Variants in CCDC191 observed in about 807,000 individuals in gnomAD.
CCDC191 encodes the protein coiled-coil domain containing 191, also known as coiled-coil domain-containing protein 191.
Under a neutral mutation model 114.0 loss-of-function variants are expected in CCDC191, and 99 were observed. The ratio of observed to expected loss-of-function variants is 0.87; its 90% CI spans 0.74 to 1.03. The LOEUF is 1.03. CCDC191 is among the 50% of genes least tolerant of loss of function. The pLI is 0.00. For synonymous variants in CCDC191, 351 were observed against 376.0 expected (o/e 0.93, Z 0.77); for missense variants, 973 against 1,087.0 (o/e 0.90, Z 1.47).
chr3:114,031,686 C>T lies in CCDC191; in HGVS notation c.912G>A (p.Val304=). The T allele has an allele frequency of 6.2e-7, 1 of 1,603,354 alleles. No individual in the cohort carries two copies. The highest frequency in any genetic ancestry group is 8.5e-7 in the Non-Finnish European group (1 of 1,170,514). The change falls in exon 7 of 17, where the codon GTG becomes GTA. Residue 304 remains valine, a synonymous_variant. Coordinates refer to ENST00000295878, the MANE Select transcript of CCDC191 (RefSeq NM_020817.2). ...CTTTCAATTTCCTTTTTCTTTCCTT[C>T]ACCATTTTTTCCTCATCTGGAAGAA... ...THILPDEEKM[V]KERKRKLKEV...
intron 8 of CCDC191, among the ~76,000 whole-genome samples, chr3:114,012,538 TAAC>T (rs537789525): frequency 9.9e-5 from 15 of 152,254 alleles, no homozygotes; most frequent in African/African-American, 3.6e-4. Flanking sequence ...TTAGAAGAAA[TAAC>T]AATAAATCAG....
At chr3:113,991,267 C>CG (rs1020789775) in intron 13 of CCDC191, among the ~76,000 whole-genome samples, 2 of 142,368 alleles carry the variant, frequency 1.4e-5, no homozygotes, top group African/African-American at 5.1e-5. Flanking sequence ...AACCCCCCCC[C>CG]CCAAAAACCA....
intron 16 of CCDC191, among the ~76,000 whole-genome samples, chr3:113,969,107 A>G (rs932740390): frequency 1.3e-5 from 2 of 152,218 alleles, no homozygotes; most frequent in Non-Finnish European, 2.9e-5. Context: ...CGTAACTAAT[A>G]GAGTGAGAAT....
intron 2 of CCDC191, among the ~76,000 whole-genome samples, chr3:114,050,725 G>A (rs1293015196): frequency 6.6e-6 from 1 of 152,188 alleles, no homozygotes; most frequent in Non-Finnish European, 1.5e-5. Context: ...GATATTATAG[G>A]TTGACTGCTA....
intron 7 of CCDC191, among the ~76,000 whole-genome samples, chr3:114,030,608 A>G (rs923105716): frequency 1.3e-5 from 2 of 152,166 alleles, no homozygotes; most frequent in Admixed American, 6.5e-5. Context: ...TTGGTTAATA[A>G]CTGAGTAATT....
rs761495424 is a variant in CCDC191, at chr3:114,035,109, A to C, written c.634T>G (p.Tyr212Asp). ...TTCAGGGTCTTTTCTATTCTCTGGT[A>C]CTCCAGTTCTTTCTCACGTCTTAAG... ...NRLRREKELE[Y>D]QRIEKTLKKS... is the part of the protein sequence containing the mutation. Residue 212 changes from tyrosine (Y) to aspartate (D), a missense_variant, in exon 6 of 17, where the codon TAC becomes GAC. By Grantham distance (160) the Tyr-to-Asp change is radical. Transcript: ENST00000295878. The C allele has an allele frequency of 6.8e-6, 11 of 1,613,754 alleles. No homozygotes were observed. Among genetic ancestry groups the C allele is most frequent in the Non-Finnish European group, 1.7e-6 (2 of 1,179,954 alleles).
intron 13 of CCDC191, among the ~76,000 whole-genome samples, chr3:113,988,549 C>G (rs1031200944): frequency 6.7e-6 from 1 of 149,306 alleles, no homozygotes; most frequent in Non-Finnish European, 1.5e-5. Flanking sequence ...TCACTTGAAC[C>G]CAGGAGGCAG....
chr3:114,049,878 A>G (rs2076678853), intron 2 of CCDC191, among the ~76,000 whole-genome samples: 1 of 152,226 alleles, frequency 6.6e-6, no homozygotes, highest in South Asian at 2.1e-4. Flanking sequence ...CATTTTGGCA[A>G]TTTAACAACT....
At chr3:114,021,741 T>G (rs893585283) in intron 7 of CCDC191, among the ~76,000 whole-genome samples, 4 of 152,094 alleles carry the variant, frequency 2.6e-5, no homozygotes, top group Admixed American at 6.6e-5. Context: ...TTCTATACTT[T>G]GGAACTACAA....
rs2075858076 is a variant in CCDC191, at chr3:114,001,637, T to G, written c.2121A>C (p.Ala707=). 1 of 1,613,956 alleles carries G rather than the reference T, an allele frequency of 6.2e-7. No homozygotes were observed. The highest frequency in any genetic ancestry group is 1.7e-5 in the Admixed American group (1 of 60,024). Residue 707 remains alanine, a synonymous_variant, in exon 13 of 17, where the codon GCA becomes GCC. Coordinates refer to ENST00000295878, the MANE Select transcript of CCDC191 (RefSeq NM_020817.2). The stretch of plus-strand genomic sequence containing the variant: ...TCTCTTCTCGTTTTCTTTCAAGCTG[T>G]GCCTCCTTTTCTTCTGCCTCCCTTT... ...RQKREAEEKE[A]QLERKREEKR... is the part of the protein sequence containing the mutation.
chr3:114,053,462 A>T (rs1213384079), intron 2 of CCDC191, 135 bp downstream of exon 2: 1 of 475,346 alleles, frequency 2.1e-6, no homozygotes, highest in African/African-American at 2.0e-5. Flanking sequence ...GTATAAAATT[A>T]AGGCAACTTA....
Position 114,005,797 on chromosome 3 carries a change from G to T in CCDC191, c.1579C>A (p.Pro527Thr), listed in dbSNP as rs1028477916. 6.2e-7 allele frequency: 1 copy of T among 1,613,954 alleles called. No homozygotes were observed. The highest frequency in any genetic ancestry group is 8.5e-7 in the Non-Finnish European group (1 of 1,180,006). Residue 527 changes from proline to threonine, a missense_variant, in exon 10 of 17, where the codon CCC (proline) becomes ACC (threonine). Physicochemically the swap from Pro to Thr is conservative, Grantham distance 38. Coordinates refer to ENST00000295878, the MANE Select transcript of CCDC191 (RefSeq NM_020817.2). ...NKQHKTLGAE[P>T]SQQPGSNETL... Reference sequence around the variant, plus strand: ...TCGTTGCTGCCAGGCTGTTGAGAGGGTTCAGCACCCAGGGTCTTGTGCTGC... The same window carrying T: ...TCGTTGCTGCCAGGCTGTTGAGAGGTTTCAGCACCCAGGGTCTTGTGCTGC...
At position 114,042,850 on chromosome 3, in the gene CCDC191, C is replaced by A. The variant is rs1276171511; in HGVS notation, c.272-4G>T. Reference sequence around the variant, plus strand: ...CAGTCATTGACCAGCTCCTGAGCTACAATAAAACAAAAACATGTTAAGTAT... The same window carrying A: ...CAGTCATTGACCAGCTCCTGAGCTAAAATAAAACAAAAACATGTTAAGTAT... On this transcript the variant is annotated splice_polypyrimidine_tract_variant and splice_region_variant and intron_variant, in intron 3 of 16. Coordinates refer to ENST00000295878, the MANE Select transcript of CCDC191 (RefSeq NM_020817.2). The A allele has an allele frequency of 2.5e-6, 4 of 1,581,048 alleles. No individual in the cohort carries two copies. Among genetic ancestry groups the A allele is most frequent in the Admixed American group, 2.0e-5 (1 of 50,448 alleles).
intron 13 of CCDC191, among the ~76,000 whole-genome samples, chr3:113,995,123 T>C (rs1319449188): frequency 6.6e-6 from 1 of 152,188 alleles, no homozygotes; most frequent in Non-Finnish European, 1.5e-5. Flanking sequence ...TCCACTGTTA[T>C]GACTTCTGAA....
In CCDC191 at chr3:114,035,017, G is replaced by C; in HGVS notation, c.726C>G (p.Ala242=). The change falls in exon 6 of 17, where the codon GCC becomes GCG. Residue 242 remains alanine, a synonymous_variant. Transcript: ENST00000295878. ...QEEKKRKALE[A]KKEEEEIQRE... The stretch of plus-strand genomic sequence containing the variant: ...TTTGAATCTCCTCTTCCTCTTTCTT[G>C]GCCTCCAGAGCCTTCCTTTTCTTCT... The C allele has an allele frequency of 1.2e-6, 2 of 1,613,838 alleles. No homozygotes were observed. Among genetic ancestry groups the C allele is most frequent in the Non-Finnish European group, 1.7e-6 (2 of 1,179,964 alleles).
chr3:113,989,663 G>A (rs1486861482), intron 13 of CCDC191, among the ~76,000 whole-genome samples: 4 of 152,140 alleles, frequency 2.6e-5, no homozygotes, highest in Non-Finnish European at 4.4e-5. Flanking sequence ...AGTACTTAGA[G>A]GGAAATTTAC....
intron 16 of CCDC191, among the ~76,000 whole-genome samples, chr3:113,976,446 C>CTTAT (rs1162659683): frequency 3.9e-5 from 6 of 152,024 alleles, no homozygotes; most frequent in African/African-American, 7.2e-5. Flanking sequence ...CTGCCTGTTG[C>CTTAT]TTATTTCTTT....
intron 2 of CCDC191, among the ~76,000 whole-genome samples, chr3:114,049,865 A>C (rs1206489350): frequency 2.0e-5 from 3 of 152,186 alleles, no homozygotes; most frequent in Admixed American, 1.3e-4. Flanking sequence ...TATTTAAGTA[A>C]AACATTTTGG....
intron 7 of CCDC191, among the ~76,000 whole-genome samples, chr3:114,026,708 A>G (rs1283297732): frequency 2.6e-5 from 4 of 152,218 alleles, no homozygotes; most frequent in Non-Finnish European, 5.9e-5. Context: ...TCTTTTCCAT[A>G]TATAGTATCC....
Sources: gnomAD v4.1 joint callset for allele counts (sites outside exome capture counted in the v4.1 genomes callset) on GRCh38, gnomAD v4.1.1 for gene constraint, MANE v1.5 for transcripts, NCBI Gene and HGNC (gene_info 2026-07-23, HGNC 2026-07-21) for gene names.